Variants in ESF1 observed in about 807,000 individuals in gnomAD.
ESF1 encodes ESF1 nucleolar pre-rRNA processing protein, also known as ESF1 homolog.
Under a neutral mutation model 92.0 loss-of-function variants are expected in ESF1, and 58 were observed. The observed-to-expected ratio is 0.63, with a 90% CI of 0.51 to 0.78. The LOEUF is 0.78. Among genes scored for constraint, ESF1 ranks in the 30% least tolerant of loss-of-function variants. The probability of loss-of-function intolerance (pLI) is 0.00; values close to 1 mark genes in which losing one functional copy is unlikely to be tolerated. For missense variants in ESF1, 922 were observed against 989.1 expected (o/e 0.93, Z 0.91); for synonymous variants, 321 against 313.7 (o/e 1.02, Z -0.24).
intron 13 of ESF1, among the ~76,000 whole-genome samples, 173 bp from the exon 14 acceptor site, chr20:13,715,340 T>C (rs2147711433): frequency 6.6e-6 from 1 of 152,292 alleles, no homozygotes; most frequent in Middle Eastern, 3.4e-3. Flanking sequence ...CTTTATGGCC[T>C]ACCTTTGGAC....
intron 8 of ESF1, among the ~76,000 whole-genome samples, chr20:13,761,901 T>C (rs1010073660): frequency 2.6e-4 from 40 of 152,328 alleles, no homozygotes; most frequent in African/African-American, 9.6e-4. Flanking sequence ...ACTTATTGAA[T>C]TGACTGTCTC....
chr20:13,777,808 TCTG>T (rs1193577899), intron 2 of ESF1, among the ~76,000 whole-genome samples: 1 of 152,214 alleles, frequency 6.6e-6, no homozygotes, highest in Non-Finnish European at 1.5e-5. Context: ...GAGCTTATTT[TCTG>T]CTTACAGGCT....
intron 9 of ESF1, among the ~76,000 whole-genome samples, chr20:13,749,713 G>A (rs975337629): frequency 1.3e-5 from 2 of 151,862 alleles, no homozygotes; most frequent in South Asian, 2.1e-4. Flanking sequence ...CTACAGGCAC[G>A]AGCCACCATG....
At chr20:13,744,122 T>C (rs975633585) in intron 9 of ESF1, among the ~76,000 whole-genome samples, 2 of 152,228 alleles carry the variant, frequency 1.3e-5, no homozygotes, top group Admixed American at 1.3e-4. Flanking sequence ...TGCCGGACCA[T>C]TGATGAGAGA....
chr20:13,739,686 G>A (rs1036346729), intron 9 of ESF1, among the ~76,000 whole-genome samples: 2 of 149,376 alleles, frequency 1.3e-5, no homozygotes, highest in African/African-American at 4.9e-5. Context: ...GAAAACAAAA[G>A]GAATTTCTTG....
intron 2 of ESF1, among the ~76,000 whole-genome samples, chr20:13,778,152 A>G (rs552562688): frequency 9.3e-4 from 141 of 152,312 alleles, no homozygotes; most frequent in African/African-American, 3.2e-3. Flanking sequence ...ACTTGACTTG[A>G]GACTAACTGA....
At chr20:13,770,647 T>C (rs1979642470) in intron 6 of ESF1, among the ~76,000 whole-genome samples, 1 of 152,322 alleles carries the variant, frequency 6.6e-6, no homozygotes, top group East Asian at 1.9e-4. Flanking sequence ...TATGCCCAGC[T>C]GGCTATATTG....
At chr20:13,744,459 G>A (rs1269364199) in intron 9 of ESF1, among the ~76,000 whole-genome samples, 1 of 152,166 alleles carries the variant, frequency 6.6e-6, no homozygotes, top group Non-Finnish European at 1.5e-5. Flanking sequence ...AAAAACTGAA[G>A]TCAGGTGACA....
At position 13,782,526 on chromosome 20, in the gene ESF1, C is replaced by T; in HGVS notation, c.615G>A (p.Lys205=). 1.9e-6 allele frequency: 3 copies of T among 1,549,886 alleles called. No homozygotes were observed. The South Asian group carries it at 3.8e-5, about 20-fold the overall frequency. Residue 205 remains lysine, a synonymous_variant, in exon 2 of 14, where the codon AAG becomes AAA. Transcript: ENST00000617257. ...TACCTGATTGCATTTCTCTTCTTGT[C>T]TTAGAACACTCGATTCTGGGAGATT... The part of the protein sequence containing the change: ...IVKSPRIECS[K]TRREMQSVVQ...
intron 8 of ESF1, among the ~76,000 whole-genome samples, chr20:13,760,762 G>A (rs942201062): frequency 3.3e-5 from 5 of 149,622 alleles, no homozygotes; most frequent in Non-Finnish European, 7.4e-5. Flanking sequence ...GAGGTGGGGG[G>A]GTCAGCCCCC....
At chr20:13,771,089 T>C (rs1005635268) in intron 6 of ESF1, among the ~76,000 whole-genome samples, 11 of 152,204 alleles carry the variant, frequency 7.2e-5, no homozygotes, top group Non-Finnish European at 8.8e-5. Flanking sequence ...AGGTACACCA[T>C]CTTAAAAACA....
At chr20:13,768,092 T>C (rs1413698896) in intron 7 of ESF1, among the ~76,000 whole-genome samples, 2 of 152,220 alleles carry the variant, frequency 1.3e-5, no homozygotes, top group African/African-American at 4.8e-5. Flanking sequence ...TTTAATTTCA[T>C]GTGACTGAAT....
chr20:13,775,045 A>G, intron 4 of ESF1, 112 bp downstream of exon 4: 1 of 650,528 alleles, frequency 1.5e-6, no homozygotes, highest in Non-Finnish European at 2.6e-6. Flanking sequence ...GGATTGGACA[A>G]CTTCCACAGT....
At chr20:13,734,088 A>C (rs150738905) in intron 9 of ESF1, among the ~76,000 whole-genome samples, 4 of 152,278 alleles carry the variant, frequency 2.6e-5, no homozygotes, top group South Asian at 2.1e-4. Flanking sequence ...ACCAACAAAC[A>C]AACCTAGCAA....
intron 9 of ESF1, among the ~76,000 whole-genome samples, chr20:13,756,166 GTAT>G (rs1375501114): frequency 2.0e-5 from 3 of 152,156 alleles, no homozygotes; most frequent in Non-Finnish European, 4.4e-5. Flanking sequence ...CAAGAAAGTG[GTAT>G]TATTAGTTCC....
chr20:13,776,026 ATCATCATCCTCACTATCCTCATCT>A lies in ESF1; in HGVS notation c.858_881del (p.Glu286_Asp293del). 1 of 1,613,842 alleles carries A rather than the reference ATCATCATCCTCACTATCCTCATCT, an allele frequency of 6.2e-7. No homozygotes were observed. Among genetic ancestry groups the A allele is most frequent in the Non-Finnish European group, 8.5e-7 (1 of 1,179,914 alleles). On this transcript the variant is annotated inframe_deletion, in exon 3 of 14. Coordinates refer to ENST00000617257, the MANE Select transcript of ESF1 (RefSeq NM_001276380.2). ...CAAGATCAGGGCCACTGTCACTTTT[ATCATCATCCTCACTATCCTCATCT>A]TCATCCTCCTCTTCATCTTCATCCT...
At chr20:13,715,427 T>C (rs2049818096) in intron 13 of ESF1, among the ~76,000 whole-genome samples, 1 of 152,158 alleles carries the variant, frequency 6.6e-6, no homozygotes, top group Non-Finnish European at 1.5e-5. Flanking sequence ...GCCATACATA[T>C]ACATATTATG....
chr20:13,750,883 G>A (rs1978600629), intron 9 of ESF1, among the ~76,000 whole-genome samples: 1 of 152,166 alleles, frequency 6.6e-6, no homozygotes, highest in Non-Finnish European at 1.5e-5. Flanking sequence ...CTGGGAGGCT[G>A]AGGCAGGAGG....
chr20:13,784,794 A>T (rs918267962), intron 1 of ESF1, 86 bp downstream of exon 1: 13 of 518,706 alleles, frequency 2.5e-5, no homozygotes, highest in Non-Finnish European at 3.8e-5. Flanking sequence ...ATCCTGTTAG[A>T]GACTAGTTTT....
Sources: gnomAD v4.1 joint callset for allele counts (sites outside exome capture counted in the v4.1 genomes callset) on GRCh38, gnomAD v4.1.1 for gene constraint, MANE v1.5 for transcripts, NCBI Gene and HGNC (gene_info 2026-07-23, HGNC 2026-07-21) for gene names.